The following PRDM11 variants were observed in gnomAD, a reference collection of about 807,000 sequenced individuals.
The protein encoded by PRDM11 is PR/SET domain 11.
In PRDM11, 20 loss-of-function variants were observed where a neutral mutation model predicts 97.8. The observed-to-expected ratio is 0.20, with a 90% CI of 0.14 to 0.30. The LOEUF (loss-of-function observed/expected upper bound fraction) is 0.30. PRDM11 is among the 10% of genes least tolerant of loss of function. The pLI is 1.00. For synonymous variants in PRDM11, 599 were observed against 637.7 expected, an observed-to-expected ratio of 0.94 and a Z score of 0.91; for missense variants, 1,139 against 1,555.2, an observed-to-expected ratio of 0.73 and a Z score of 4.50.
chr11:45,173,191 G>A (rs1202666769), intron 1 of PRDM11, among the ~76,000 whole-genome samples: 8 of 152,050 alleles, frequency 5.3e-5, no homozygotes, highest in South Asian at 2.1e-4. Context: ...GCAAAGGCTC[G>A]GTGTCTCTGA....
chr11:45,192,943 G>A (rs1039002376), intron 4 of PRDM11, among the ~76,000 whole-genome samples: 17 of 152,202 alleles, frequency 1.1e-4, no homozygotes, highest in African/African-American at 3.4e-4. Context: ...TTTATAAGGC[G>A]AATATCGTAG....
At chr11:45,186,283 CGAG>C (rs72453369) in intron 4 of PRDM11, among the ~76,000 whole-genome samples, 24,754 of 151,870 alleles carry the variant, frequency 0.16, 2,507 homozygotes, top group African/African-American at 0.28. Context: ...GGCCTGAAAT[CGAG>C]GAGATCAGAG....
At chr11:45,200,016 G>A (rs1488593399) in intron 4 of PRDM11, among the ~76,000 whole-genome samples, 2 of 152,138 alleles carry the variant, frequency 1.3e-5, no homozygotes, top group African/African-American at 2.4e-5. Flanking sequence ...TCTGCGTCCC[G>A]CTAGGCTGTG....
intron 1 of PRDM11, among the ~76,000 whole-genome samples, chr11:45,112,067 A>G (rs1160374059): frequency 6.6e-6 from 1 of 152,128 alleles, no homozygotes; most frequent in Non-Finnish European, 1.5e-5. Flanking sequence ...TGTACACTGT[A>G]CCCAATATGT....
intron 7 of PRDM11, 64 bp downstream of exon 7, chr11:45,224,907 A>G: frequency 6.2e-7 from 1 of 1,601,382 alleles, no homozygotes. Flanking sequence ...TGTGGAGGGT[A>G]GCCTAAAGCT....
chr11:45,119,503 G>A (rs930421036), intron 1 of PRDM11, among the ~76,000 whole-genome samples: 1 of 151,674 alleles, frequency 6.6e-6, no homozygotes, highest in African/African-American at 2.4e-5. Flanking sequence ...GGTGGAGGGC[G>A]CCTGTAGTCC....
intron 6 of PRDM11, among the ~76,000 whole-genome samples, chr11:45,223,425 G>T (rs1854173740): frequency 6.6e-6 from 1 of 152,224 alleles, no homozygotes; most frequent in South Asian, 2.1e-4. Flanking sequence ...ATGATAGAAA[G>T]AAATAGGCAA....
intron 1 of PRDM11, among the ~76,000 whole-genome samples, chr11:45,104,008 T>C (rs1409955381): frequency 6.6e-6 from 1 of 152,190 alleles, no homozygotes; most frequent in African/African-American, 2.4e-5. Context: ...TTACTTTTTA[T>C]AGCTGAGGGA....
At chr11:45,144,097 T>A (rs1251550059), upstream of PRDM11, among the ~76,000 whole-genome samples, 1 of 152,198 alleles carries the variant, frequency 6.6e-6, no homozygotes, top group Non-Finnish European at 1.5e-5. Flanking sequence ...TTCTGAGATG[T>A]TTCCAACAAT....
At chr11:45,104,294 G>C (rs1440632993) in intron 1 of PRDM11, among the ~76,000 whole-genome samples, 1 of 152,252 alleles carries the variant, frequency 6.6e-6, no homozygotes, top group African/African-American at 2.4e-5. Flanking sequence ...AGTAAGGGCA[G>C]AAGAAGGCAG....
intron 6 of PRDM11, among the ~76,000 whole-genome samples, chr11:45,222,887 T>C (rs1854158435): frequency 6.6e-6 from 1 of 152,238 alleles, no homozygotes; most frequent in East Asian, 1.9e-4. Context: ...AGGAAACCTT[T>C]GAGATTTCTG....
chr11:45,151,499 C>T (rs919120917), intron 1 of PRDM11, among the ~76,000 whole-genome samples: 2 of 152,238 alleles, frequency 1.3e-5, no homozygotes, highest in Non-Finnish European at 2.9e-5. Flanking sequence ...CATCTGGGTA[C>T]CATTCGGTCC....
intron 1 of PRDM11, among the ~76,000 whole-genome samples, chr11:45,137,410 G>A (rs1852888267): frequency 2.0e-5 from 1 of 50,856 alleles, no homozygotes; most frequent in Non-Finnish European, 5.4e-5. Flanking sequence ...TCCAGCCTGA[G>A]TGACAAGAGA....
In PRDM11 at chr11:45,202,522, A is replaced by C. The variant is rs1394113295; in HGVS notation, c.487-2189A>C. Among the ~76,000 whole-genome samples, 5 of 152,352 alleles carry C rather than the reference A, an allele frequency of 3.3e-5. No individual in the cohort carries two copies. In the South Asian group the frequency reaches 8.3e-4, roughly 25 times the overall value. ...CATATTCAAAGCTTAGTGGGAAAAA[A>C]TTGAAAAAGGATATGTTCACTTGGG... On this transcript the variant is annotated intron_variant, in intron 4 of 7. Transcript: ENST00000683152.
intron 1 of PRDM11, among the ~76,000 whole-genome samples, chr11:45,107,137 T>A (rs1362080853): frequency 6.6e-6 from 1 of 152,156 alleles, no homozygotes; most frequent in Admixed American, 6.5e-5. Context: ...GGGGCCTCCA[T>A]AGAGCAAGAT....
intron 1 of PRDM11, among the ~76,000 whole-genome samples, chr11:45,149,379 C>G (rs189013084): frequency 6.6e-6 from 1 of 152,348 alleles, no homozygotes; most frequent in Non-Finnish European, 1.5e-5. Flanking sequence ...TCTCTGAACT[C>G]CATACCCCGA....
intron 5 of PRDM11, among the ~76,000 whole-genome samples, chr11:45,206,064 T>C (rs1301292320): frequency 1.3e-5 from 2 of 152,176 alleles, no homozygotes; most frequent in Non-Finnish European, 2.9e-5. Flanking sequence ...ACACCCTGAC[T>C]GCCTTCTCTT....
chr11:45,178,082 C>T (rs775328431), intron 1 of PRDM11, among the ~76,000 whole-genome samples: 14 of 152,054 alleles, frequency 9.2e-5, no homozygotes, highest in Non-Finnish European at 1.5e-4. Context: ...GACAGGAAAA[C>T]GTTTATATGC....
chr11:45,108,596 AG>A lies in PRDM11; in HGVS notation c.96+12697del, dbSNP rs573310529. Among the ~76,000 whole-genome samples, 420 of 152,306 alleles carry A rather than the reference AG, an allele frequency of 2.8e-3. 1 individual carries two copies. The highest frequency in any genetic ancestry group is 9.6e-3 in the African/African-American group (397 of 41,568). The stretch of plus-strand genomic sequence containing the variant: ...TGCCCTTGGACAGGATTCCAGAGGC[AG>A]GTGTGTCCTCATGGTGGGGCCTCAC... On this transcript the variant is annotated intron_variant, in intron 1 of 6. Coordinates refer to the PRDM11 transcript ENST00000530656.
Sources: gnomAD v4.1 joint callset for allele counts (sites outside exome capture counted in the v4.1 genomes callset) on GRCh38, gnomAD v4.1.1 for gene constraint, MANE v1.5 for transcripts, NCBI Gene and HGNC (gene_info 2026-07-23, HGNC 2026-07-21) for gene names.